CACNG2: variants seen among roughly 807,000 people sequenced by gnomAD.
CACNG2 encodes the protein calcium voltage-gated channel auxiliary subunit gamma 2.
In CACNG2, 3 loss-of-function variants were observed where a neutral mutation model predicts 25.9. The observed-to-expected ratio is 0.12, with a 90% CI of 0.05 to 0.30. The LOEUF is 0.30. Among genes scored for constraint, CACNG2 ranks in the 10% least tolerant of loss-of-function variants. CACNG2 has a pLI of 1.00. For synonymous variants in CACNG2, 167 were observed against 173.3 expected, an observed-to-expected ratio of 0.96 and a Z score of 0.29; for missense variants, 341 against 432.5, an observed-to-expected ratio of 0.79 and a Z score of 1.88.
At chr22:36,650,558 T>A (rs1012059026) in intron 1 of CACNG2, among the ~76,000 whole-genome samples, 1 of 152,082 alleles carries the variant, frequency 6.6e-6, no homozygotes, top group African/African-American at 2.4e-5. Flanking sequence ...TTTAAAAAAA[T>A]AGACATGGGG....
At chr22:36,624,240 G>A (rs147624772) in intron 1 of CACNG2, among the ~76,000 whole-genome samples, 22 of 152,340 alleles carry the variant, frequency 1.4e-4, no homozygotes, top group African/African-American at 5.3e-4. Context: ...AGGCAAAGCC[G>A]TGAACCAGGC....
chr22:36,625,493 C>T (rs1028866706), intron 1 of CACNG2, among the ~76,000 whole-genome samples: 2 of 152,188 alleles, frequency 1.3e-5, no homozygotes, highest in South Asian at 2.1e-4. Flanking sequence ...CTAGATAGCA[C>T]CCTCACAAAC....
intron 2 of CACNG2, 90 bp from the exon 3 acceptor site, chr22:36,566,583 G>T: frequency 1.4e-6 from 2 of 1,404,220 alleles, no homozygotes; most frequent in Non-Finnish European, 2.0e-6. Context: ...GCCCCGAGGC[G>T]CTGGGGGTTT....
chr22:36,693,797 T>G (rs1937296692), intron 1 of CACNG2, among the ~76,000 whole-genome samples: 1 of 152,206 alleles, frequency 6.6e-6, no homozygotes, highest in Non-Finnish European at 1.5e-5. Flanking sequence ...TCTGCATCCT[T>G]GAGAACTCAG....
At chr22:36,660,325 C>T (rs897931142) in intron 1 of CACNG2, among the ~76,000 whole-genome samples, 3 of 152,230 alleles carry the variant, frequency 2.0e-5, no homozygotes, top group East Asian at 1.9e-4. Flanking sequence ...CTGGTGGAGC[C>T]GGGCCCGTGA....
chr22:36,679,136 CCCTT>C (rs575397901), intron 1 of CACNG2, among the ~76,000 whole-genome samples: 4,709 of 128,274 alleles, frequency 0.037, 169 homozygotes, highest in Admixed American at 0.066. Context: ...TGGATTTTCT[CCCTT>C]CCTTCCTTCC....
chr22:36,687,259 G>A (rs1439007542), intron 1 of CACNG2, among the ~76,000 whole-genome samples: 3 of 152,162 alleles, frequency 2.0e-5, no homozygotes, highest in African/African-American at 7.2e-5. Flanking sequence ...CCCCAGATTT[G>A]TTTACTTGAA....
At chr22:36,620,920 T>A (rs975515751) in intron 1 of CACNG2, among the ~76,000 whole-genome samples, 2 of 152,260 alleles carry the variant, frequency 1.3e-5, no homozygotes, top group African/African-American at 4.8e-5. Flanking sequence ...TCCCTGCTTC[T>A]GGAAATCTAG....
intron 1 of CACNG2, among the ~76,000 whole-genome samples, chr22:36,676,369 C>T (rs2145997263): frequency 6.6e-6 from 1 of 152,312 alleles, no homozygotes; most frequent in South Asian, 2.1e-4. Flanking sequence ...GAACTTGCCA[C>T]CTGGAACTAA....
At chr22:36,612,857 T>G (rs1046557266) in intron 1 of CACNG2, among the ~76,000 whole-genome samples, 4 of 152,162 alleles carry the variant, frequency 2.6e-5, no homozygotes, top group African/African-American at 9.7e-5. Flanking sequence ...AGAGGATGCT[T>G]TTTACCAGTG....
intron 1 of CACNG2, among the ~76,000 whole-genome samples, chr22:36,673,920 G>A (rs1400117512): frequency 6.6e-6 from 1 of 152,222 alleles, no homozygotes; most frequent in Non-Finnish European, 1.5e-5. Flanking sequence ...CAGGAGTGGG[G>A]ACGTGCCTTT....
At chr22:36,664,698 C>T (rs1461235193) in intron 1 of CACNG2, among the ~76,000 whole-genome samples, 3 of 152,180 alleles carry the variant, frequency 2.0e-5, no homozygotes, top group African/African-American at 7.2e-5. Flanking sequence ...GAGGAAGCAT[C>T]TAGCTGAAGT....
At chr22:36,581,195 A>C (rs1935412106) in intron 2 of CACNG2, among the ~76,000 whole-genome samples, 2 of 152,204 alleles carry the variant, frequency 1.3e-5, no homozygotes, top group African/African-American at 4.8e-5. Context: ...TTACTGGGTA[A>C]GCCAGTTATA....
intron 1 of CACNG2, among the ~76,000 whole-genome samples, chr22:36,641,761 A>G (rs576417181): frequency 1.3e-5 from 2 of 152,320 alleles, no homozygotes; most frequent in South Asian, 4.1e-4. Flanking sequence ...TGACTTCAGG[A>G]CTTGCCTGGC....
At chr22:36,630,022 T>C (rs1489539425) in intron 1 of CACNG2, among the ~76,000 whole-genome samples, 1 of 152,030 alleles carries the variant, frequency 6.6e-6, no homozygotes, top group Non-Finnish European at 1.5e-5. Flanking sequence ...GAAGTGCATT[T>C]TGGGGAGAGG....
chr22:36,565,998 G>A (rs994423819), intron 3 of CACNG2, among the ~76,000 whole-genome samples: 23 of 152,348 alleles, frequency 1.5e-4, no homozygotes, highest in African/African-American at 4.8e-4. Context: ...TTGGAACAGC[G>A]AGGCACTTGG....
chr22:36,576,137 C>T (rs1935308395), intron 2 of CACNG2, among the ~76,000 whole-genome samples: 1 of 152,170 alleles, frequency 6.6e-6, no homozygotes, highest in South Asian at 2.1e-4. Context: ...AACCCAAATA[C>T]CTATCCATCA....
Position 36,587,599 on chromosome 22 carries a change from G to C in CACNG2, c.212-51C>G, listed in dbSNP as rs751366451. 5 of 1,295,494 alleles carry C rather than the reference G, an allele frequency of 3.9e-6. No individual in the cohort carries two copies. The African/African-American group carries it at 4.4e-5, about 11-fold the overall frequency. 80.2% of individuals were successfully genotyped at this position (1,295,494 alleles called of 1,614,324 possible). On this transcript the variant is annotated intron_variant, in intron 1 of 3. Transcript: ENST00000300105. ...CATGAAACATCATAGTTTTGGGGGC[G>C]CTTAGGGCCCACCTGCCTCTTCCCA...
chr22:36,570,371 T>C (rs114145905), intron 2 of CACNG2, among the ~76,000 whole-genome samples: 1,659 of 152,212 alleles, frequency 0.011, 30 homozygotes, highest in African/African-American at 0.038. Context: ...CTCTAAATAA[T>C]GACCACCAGC....
Sources: gnomAD v4.1 joint callset for allele counts (sites outside exome capture counted in the v4.1 genomes callset) on GRCh38, gnomAD v4.1.1 for gene constraint, MANE v1.5 for transcripts, NCBI Gene and HGNC (gene_info 2026-07-23, HGNC 2026-07-21) for gene names.